The following DOCK4 variants were observed in gnomAD, a reference collection of about 807,000 sequenced individuals.
DOCK4 encodes dedicator of cytokinesis protein 4.
A neutral mutation model predicts 268.1 loss-of-function variants in DOCK4; 97 were observed. That is an observed-to-expected ratio of 0.36 (90% CI 0.31 to 0.43). The LOEUF is 0.43. DOCK4 is among the 20% of genes least tolerant of loss of function. DOCK4 has a pLI of 1.00. For synonymous variants in DOCK4, 954 were observed against 887.2 expected (o/e 1.08, Z -1.34); for missense variants, 2,145 against 2,455.7 (o/e 0.87, Z 2.67).
At chr7:112,163,505 A>G (rs146172928) in intron 1 of DOCK4, among the ~76,000 whole-genome samples, 12 of 152,302 alleles carry the variant, frequency 7.9e-5, no homozygotes, top group African/African-American at 2.9e-4. Context: ...AATCATGCCA[A>G]TGTCAGCCAA....
chr7:111,945,001 A>G, intron 9 of DOCK4, 130 bp from the exon 10 acceptor site: 1 of 753,292 alleles, frequency 1.3e-6, no homozygotes, highest in Non-Finnish European at 2.3e-6. Flanking sequence ...TTGTAGCAGA[A>G]GTACATGATT....
chr7:112,030,976 C>A (rs554528254), intron 1 of DOCK4, among the ~76,000 whole-genome samples: 1 of 152,192 alleles, frequency 6.6e-6, no homozygotes, highest in Non-Finnish European at 1.5e-5. Flanking sequence ...CATGTTCTCT[C>A]GTGATTTGCA....
At chr7:112,082,071 T>C (rs1474232744) in intron 1 of DOCK4, among the ~76,000 whole-genome samples, 1 of 152,130 alleles carries the variant, frequency 6.6e-6, no homozygotes, top group Non-Finnish European at 1.5e-5. Context: ...TTACATGACA[T>C]TATACATGTA....
Position 111,872,512 on chromosome 7 carries a change from G to C in DOCK4, c.1797C>G (p.Gly599=). ...KWRTHPDKIT[G]CLSKLKEIDG... is the part of the protein sequence containing the mutation. ...CAATTTCTTTTAATTTAGAGAGACA[G>C]CCAGTGATCTTGTCTGGGTGGGTTC... The change falls in exon 18 of 53, where the codon GGC becomes GGG. Residue 599 remains glycine, a synonymous_variant. Coordinates refer to ENST00000428084, the MANE Select transcript of DOCK4 (RefSeq NM_001363540.2). 6.2e-7 allele frequency: 1 copy of C among 1,604,554 alleles called. No individual in the cohort carries two copies. Among genetic ancestry groups the C allele is most frequent in the Non-Finnish European group, 8.5e-7 (1 of 1,174,936 alleles).
At chr7:111,925,025 A>G (rs1793483267) in intron 12 of DOCK4, among the ~76,000 whole-genome samples, 1 of 152,206 alleles carries the variant, frequency 6.6e-6, no homozygotes, top group Non-Finnish European at 1.5e-5. Context: ...AACTTCCTAT[A>G]GATGATATTA....
chr7:112,152,452 TCA>T (rs2116407349), intron 1 of DOCK4, among the ~76,000 whole-genome samples: 1 of 152,294 alleles, frequency 6.6e-6, no homozygotes, highest in South Asian at 2.1e-4. Flanking sequence ...GGGGTACAAG[TCA>T]CAGAGTCCAA....
intron 1 of DOCK4, among the ~76,000 whole-genome samples, chr7:112,051,450 T>TTTAA (rs1471564946): frequency 1.3e-5 from 2 of 152,044 alleles, no homozygotes; most frequent in African/African-American, 4.8e-5. Context: ...ACAGATTACT[T>TTTAA]TTAAATGACT....
chr7:111,994,325 C>G (rs1799758473), intron 4 of DOCK4, 94 bp from the exon 5 acceptor site: 1 of 714,298 alleles, frequency 1.4e-6, no homozygotes, highest in Non-Finnish European at 2.2e-6. Flanking sequence ...AAGAAAGCTG[C>G]CTAGCTATTG....
At chr7:111,833,296 C>A (rs1436232433) in intron 26 of DOCK4, among the ~76,000 whole-genome samples, 1 of 152,010 alleles carries the variant, frequency 6.6e-6, no homozygotes, top group African/African-American at 2.4e-5. Flanking sequence ...AATCTGAGTA[C>A]TTTAGGAGGC....
In DOCK4 at chr7:111,891,359, C is replaced by T; in HGVS notation, c.1587+4253G>A. ...GCAATTTTATAAAAATGGTATTATACTAAATATATGCATGTATAAAGTATT... is the reference window on the plus strand; with the variant it reads ...GCAATTTTATAAAAATGGTATTATATTAAATATATGCATGTATAAAGTATT... On this transcript the variant is annotated intron_variant, in intron 16 of 52. Coordinates refer to ENST00000428084, the MANE Select transcript of DOCK4 (RefSeq NM_001363540.2). Among the ~76,000 whole-genome samples the T allele has an allele frequency of 1.3e-5, 2 of 152,020 alleles. 1 individual carries two copies. Among genetic ancestry groups the T allele is most frequent in the Non-Finnish European group, 2.9e-5 (2 of 67,992 alleles).
chr7:112,175,972 T>A (rs1380014005), intron 1 of DOCK4, among the ~76,000 whole-genome samples: 4 of 152,230 alleles, frequency 2.6e-5, no homozygotes, highest in African/African-American at 9.6e-5. Context: ...TTTTTAATGA[T>A]CAACTGACAA....
At chr7:112,079,521 A>G (rs957812074) in intron 1 of DOCK4, among the ~76,000 whole-genome samples, 10 of 152,196 alleles carry the variant, frequency 6.6e-5, no homozygotes, top group Non-Finnish European at 1.3e-4. Flanking sequence ...TTTTGGCCAT[A>G]ACATATTTCA....
chr7:111,914,144 C>CT (rs1221604219), intron 13 of DOCK4, among the ~76,000 whole-genome samples: 1 of 152,134 alleles, frequency 6.6e-6, no homozygotes, highest in Non-Finnish European at 1.5e-5. Flanking sequence ...TCTCCAACTC[C>CT]TTTCGGGTTA....
chr7:112,084,735 G>C (rs1043822021), intron 1 of DOCK4, among the ~76,000 whole-genome samples: 42 of 152,208 alleles, frequency 2.8e-4, no homozygotes, highest in South Asian at 2.1e-4. Context: ...TGTACAGAGT[G>C]AAGTAACAGA....
chr7:112,156,650 G>A (rs968379516), intron 1 of DOCK4, among the ~76,000 whole-genome samples: 2 of 152,146 alleles, frequency 1.3e-5, no homozygotes, highest in African/African-American at 4.8e-5. Context: ...ACCCAGCATT[G>A]TTCTAGTGCT....
At chr7:112,201,345 C>A (rs1239128581) in intron 1 of DOCK4, among the ~76,000 whole-genome samples, 4 of 152,136 alleles carry the variant, frequency 2.6e-5, no homozygotes, top group Non-Finnish European at 5.9e-5. Context: ...GAGTGATACT[C>A]GCACCACACA....
intron 1 of DOCK4, among the ~76,000 whole-genome samples, chr7:112,006,639 C>T (rs1800889091): frequency 6.6e-6 from 1 of 152,188 alleles, no homozygotes; most frequent in African/African-American, 2.4e-5. Context: ...AGGAGCTAGA[C>T]AAATGAACTG....
chr7:112,132,903 C>T (rs755282671), intron 1 of DOCK4, among the ~76,000 whole-genome samples: 12 of 152,176 alleles, frequency 7.9e-5, no homozygotes, highest in Non-Finnish European at 1.8e-4. Context: ...AGTCTTTACT[C>T]TTTGTCAGGA....
chr7:111,777,642 C>T (rs180973696), intron 36 of DOCK4, among the ~76,000 whole-genome samples: 132 of 152,106 alleles, frequency 8.7e-4, no homozygotes, highest in Middle Eastern at 3.4e-3. Flanking sequence ...TGGCTGTGTC[C>T]CCACCCAAAT....
Sources: allele counts gnomAD v4.1 joint callset (sites outside exome capture counted in the v4.1 genomes callset), GRCh38; gene constraint gnomAD v4.1.1; transcripts MANE v1.5; gene names NCBI Gene and HGNC (gene_info 2026-07-23, HGNC 2026-07-21).